EPB41L4A: variants seen among roughly 807,000 people sequenced by gnomAD.
The protein encoded by EPB41L4A is band 4.1-like protein 4A.
In EPB41L4A, 100 loss-of-function variants were observed where a neutral mutation model predicts 108.6. That is an observed-to-expected ratio of 0.92 (90% CI 0.78 to 1.09). The LOEUF (loss-of-function observed/expected upper bound fraction) is 1.09. EPB41L4A is among the 50% of genes least tolerant of loss of function. The pLI, the probability that EPB41L4A is intolerant of heterozygous loss-of-function variation, is 0.00. For synonymous variants in EPB41L4A, 319 were observed against 289.0 expected (o/e 1.10, Z -1.05); for missense variants, 1,030 against 842.7 (o/e 1.22, Z -2.75).
intron 1 of EPB41L4A, among the ~76,000 whole-genome samples, chr5:112,360,498 C>T (rs1398449633): frequency 1.3e-5 from 2 of 152,196 alleles, no homozygotes; most frequent in East Asian, 3.9e-4. Flanking sequence ...TGGTCTCCAG[C>T]TCCTGACCGC....
intron 12 of EPB41L4A, among the ~76,000 whole-genome samples, chr5:112,148,716 T>A (rs1759357123): frequency 6.6e-6 from 1 of 152,236 alleles, no homozygotes; most frequent in Admixed American, 6.5e-5. Flanking sequence ...AGCCTTTCTA[T>A]CGTGATTTTT....
intron 3 of EPB41L4A, among the ~76,000 whole-genome samples, chr5:112,277,067 C>A (rs879323685): frequency 2.0e-5 from 3 of 152,156 alleles, no homozygotes; most frequent in Non-Finnish European, 4.4e-5. Flanking sequence ...CAGGGAGGCA[C>A]AGACTATTAA....
chr5:112,405,198 G>A (rs1762010475), intron 1 of EPB41L4A, among the ~76,000 whole-genome samples: 1 of 152,198 alleles, frequency 6.6e-6, no homozygotes, highest in African/African-American at 2.4e-5. Context: ...ATATTGCAAA[G>A]TACTCAGGAG....
At chr5:112,173,122 A>G (rs1760677403) in intron 18 of EPB41L4A, among the ~76,000 whole-genome samples, 1 of 152,220 alleles carries the variant, frequency 6.6e-6, no homozygotes, top group Non-Finnish European at 1.5e-5. Context: ...GTGGAAGCCA[A>G]GTTTTTGTAA....
chr5:112,351,958 T>C (rs1221772692), intron 1 of EPB41L4A, among the ~76,000 whole-genome samples: 2 of 152,166 alleles, frequency 1.3e-5, no homozygotes, highest in African/African-American at 2.4e-5. Context: ...TCTTTTATGA[T>C]AAAAACTCTC....
intron 1 of EPB41L4A, chr5:112,392,692 G>A (rs1210049787): frequency 3.9e-5 from 6 of 152,082 alleles, no homozygotes; most frequent in African/African-American, 1.4e-4. Context: ...GAGACAGAAG[G>A]TTAAAAAGGA....
intron 17 of EPB41L4A, among the ~76,000 whole-genome samples, chr5:112,191,181 G>A (rs932844412): frequency 1.3e-5 from 2 of 151,790 alleles, no homozygotes; most frequent in Non-Finnish European, 2.9e-5. Context: ...AGAATAAAGT[G>A]GAAAGGGGTA....
At chr5:112,306,707 G>C (rs1299611898) in intron 2 of EPB41L4A, among the ~76,000 whole-genome samples, 1 of 152,140 alleles carries the variant, frequency 6.6e-6, no homozygotes, top group African/African-American at 2.4e-5. Flanking sequence ...TACTTTCTTA[G>C]ACTAAACCAA....
downstream of EPB41L4A, among the ~76,000 whole-genome samples, chr5:112,157,797 T>G (rs1759703093): frequency 6.6e-6 from 1 of 152,230 alleles, no homozygotes; most frequent in South Asian, 2.1e-4. Context: ...AATTAGGACA[T>G]GAATATCTTT....
intron 1 of EPB41L4A, among the ~76,000 whole-genome samples, chr5:112,390,211 C>G (rs1348339699): frequency 1.3e-5 from 2 of 152,180 alleles, no homozygotes; most frequent in Non-Finnish European, 2.9e-5. Flanking sequence ...GTGGGTGCAG[C>G]CCACAGAGGG....
At chr5:112,331,667 C>G (rs2150666542) in intron 1 of EPB41L4A, among the ~76,000 whole-genome samples, 1 of 152,356 alleles carries the variant, frequency 6.6e-6, no homozygotes, top group South Asian at 2.1e-4. Context: ...CAGCAAAGTT[C>G]TCAGTCCCCA....
intron 12 of EPB41L4A, among the ~76,000 whole-genome samples, chr5:112,228,099 TGG>T (rs960934079): frequency 2.0e-5 from 3 of 152,170 alleles, no homozygotes; most frequent in African/African-American, 7.2e-5. Context: ...ACCTGTCACA[TGG>T]TAGATCAACC....
At chr5:112,320,233 C>T (rs1437487678) in intron 1 of EPB41L4A, among the ~76,000 whole-genome samples, 1 of 152,108 alleles carries the variant, frequency 6.6e-6, no homozygotes, top group East Asian at 1.9e-4. Context: ...ATCCCTTTTT[C>T]AGAGACCAGT....
intron 1 of EPB41L4A, among the ~76,000 whole-genome samples, chr5:112,400,337 G>A (rs756281767): frequency 2.8e-5 from 4 of 142,570 alleles, no homozygotes; most frequent in East Asian, 2.1e-4. Flanking sequence ...ATTACAATTC[G>A]AGGTGAGATT....
At chr5:112,212,624 A>G (rs1747272058) in intron 12 of EPB41L4A, among the ~76,000 whole-genome samples, 2 of 152,096 alleles carry the variant, frequency 1.3e-5, no homozygotes, top group African/African-American at 4.8e-5. Flanking sequence ...AATTGTTCTT[A>G]ATAACCTTTA....
Position 112,362,443 on chromosome 5 carries a change from G to A in EPB41L4A, c.100-54953C>T, listed in dbSNP as rs1299874408. Among the ~76,000 whole-genome samples the A allele has an allele frequency of 2.6e-5, 4 of 152,086 alleles. 1 individual carries two copies. Among genetic ancestry groups the A allele is most frequent in the Non-Finnish European group, 4.4e-5 (3 of 68,022 alleles). On this transcript the variant is annotated intron_variant, in intron 1 of 22. Transcript: ENST00000261486. Reference sequence around the variant, plus strand: ...TTACAGGTATGCGCTGCTGCGCCAAGATAATTTTTGTATTTTTAGTAGACA... The same window carrying A: ...TTACAGGTATGCGCTGCTGCGCCAAAATAATTTTTGTATTTTTAGTAGACA...
At chr5:112,199,107 C>T (rs1351841248) in intron 15 of EPB41L4A, among the ~76,000 whole-genome samples, 1 of 152,190 alleles carries the variant, frequency 6.6e-6, no homozygotes, top group Non-Finnish European at 1.5e-5. Context: ...AATCATTTCA[C>T]TGGATGATCC....
At chr5:112,274,315 ATCTTT>A (rs1209862752) in intron 4 of EPB41L4A, among the ~76,000 whole-genome samples, 2 of 152,120 alleles carry the variant, frequency 1.3e-5, no homozygotes, top group East Asian at 3.9e-4. Flanking sequence ...ATGAAATATA[ATCTTT>A]TCATCAATCA....
chr5:112,198,564 C>T (rs1200243988), intron 15 of EPB41L4A, among the ~76,000 whole-genome samples: 1 of 152,132 alleles, frequency 6.6e-6, no homozygotes, highest in Non-Finnish European at 1.5e-5. Context: ...TTTGCTGTTT[C>T]TTTAATAGTT....
Sources: allele counts gnomAD v4.1 joint callset (sites outside exome capture counted in the v4.1 genomes callset), GRCh38; gene constraint gnomAD v4.1.1; transcripts MANE v1.5; gene names NCBI Gene and HGNC (gene_info 2026-07-23, HGNC 2026-07-21).